The following BMP1 variants were observed in gnomAD, a reference collection of about 807,000 sequenced individuals.
BMP1 encodes mammalian tolloid protein.
In BMP1, 63 loss-of-function variants were observed where a neutral mutation model predicts 116.8. The ratio of observed to expected loss-of-function variants is 0.54; its 90% confidence interval spans 0.44 to 0.67. The LOEUF is 0.67. Among genes scored for constraint, BMP1 ranks in the 30% least tolerant of loss-of-function variants. The pLI, the probability that BMP1 is intolerant of heterozygous loss-of-function variation, is 0.00. For synonymous variants in BMP1, 536 were observed against 533.4 expected (o/e 1.00, Z -0.07); for missense variants, 1,183 against 1,358.9 (o/e 0.87, Z 2.04).
At chr8:22,205,657 C>T (rs1381634566) in intron 16 of BMP1, among the ~76,000 whole-genome samples, 1 of 152,144 alleles carries the variant, frequency 6.6e-6, no homozygotes, top group Non-Finnish European at 1.5e-5. Flanking sequence ...TGCCTGTAGT[C>T]CCAGCTACTT....
chr8:22,201,947 G>A lies in BMP1; in HGVS notation c.2233+19G>A, dbSNP rs1829274521. On this transcript the variant is annotated intron_variant, in intron 16 of 19. Transcript: ENST00000306385. ...AAAGAAGGTACGGGCTGCATGCCAG[G>A]GGCATCTGGGCTTGAAGGACCTGCT... 1 of 1,601,366 alleles carries A rather than the reference G, an allele frequency of 6.2e-7. No individual in the cohort carries two copies. The highest frequency in any genetic ancestry group is 8.5e-7 in the Non-Finnish European group (1 of 1,173,146).
chr8:22,180,165 C>G (rs958538920), intron 7 of BMP1, among the ~76,000 whole-genome samples: 3 of 152,070 alleles, frequency 2.0e-5, no homozygotes, highest in Non-Finnish European at 4.4e-5. Flanking sequence ...AACAGGGCAG[C>G]ACTGGGCTGG....
intron 1 of BMP1, among the ~76,000 whole-genome samples, chr8:22,166,023 C>A (rs942565288): frequency 1.3e-4 from 20 of 151,820 alleles, no homozygotes; most frequent in Non-Finnish European, 2.1e-4. Context: ...TGGCTTGGAT[C>A]TGGGAGGCCT....
intron 8 of BMP1, among the ~76,000 whole-genome samples, chr8:22,186,455 T>C (rs1828772946): frequency 6.6e-6 from 1 of 152,260 alleles, no homozygotes; most frequent in South Asian, 2.1e-4. Context: ...TGTGCCTTTG[T>C]TTCCCCGTCT....
chr8:22,198,087 A>G (rs1379618543), intron 15 of BMP1, among the ~76,000 whole-genome samples: 2 of 152,190 alleles, frequency 1.3e-5, no homozygotes. Flanking sequence ...TAGGAGGCTG[A>G]GGTAGGAGGA....
chr8:22,199,749 G>A (rs935250313), intron 15 of BMP1, among the ~76,000 whole-genome samples: 2 of 152,158 alleles, frequency 1.3e-5, no homozygotes, highest in South Asian at 2.1e-4. Flanking sequence ...CTCATAGGGT[G>A]CCCTTCACCC....
At position 22,194,356 on chromosome 8, in the gene BMP1, G is replaced by A; in HGVS notation, c.1298-89G>A. ...AACTGAAAAGCTGGGGGACATGGGA[G>A]GGACTGGAGGAGTGGGGAAAAGAGC... On this transcript the variant is annotated intron_variant, in intron 10 of 19. Transcript: ENST00000306385. This position sits in a 1 kb window ranked among gnomAD's most constrained non-coding sequence, Gnocchi z 4.5. 1.3e-6 allele frequency: 2 copies of A among 1,542,056 alleles called. No homozygotes were observed. Among genetic ancestry groups the A allele is most frequent in the Non-Finnish European group, 1.8e-6 (2 of 1,129,702 alleles).
intron 1 of BMP1, among the ~76,000 whole-genome samples, chr8:22,167,245 G>A (rs1828141208): frequency 6.6e-6 from 1 of 152,186 alleles, no homozygotes; most frequent in Non-Finnish European, 1.5e-5. Flanking sequence ...AATGGATGTT[G>A]TGGGAGGTAC....
chr8:22,206,587 G>A (rs1829360833), intron 16 of BMP1, among the ~76,000 whole-genome samples: 2 of 152,136 alleles, frequency 1.3e-5, no homozygotes, highest in South Asian at 4.1e-4. Context: ...CAAAGGTCTG[G>A]GGGTTGTCCA....
chr8:22,190,622 A>G (rs1244283729), intron 8 of BMP1, among the ~76,000 whole-genome samples: 1 of 152,192 alleles, frequency 6.6e-6, no homozygotes, highest in Non-Finnish European at 1.5e-5. Flanking sequence ...AGCGGCCAAG[A>G]AGTGGGAAGG....
chr8:22,186,468 C>A (rs377458559), intron 8 of BMP1, among the ~76,000 whole-genome samples: 144 of 152,132 alleles, frequency 9.5e-4, no homozygotes, highest in Admixed American at 2.2e-3. Flanking sequence ...CCCCGTCTAT[C>A]TATATATATA....
At chr8:22,210,839 G>T (rs1193464249) in intron 19 of BMP1, among the ~76,000 whole-genome samples, 1 of 152,234 alleles carries the variant, frequency 6.6e-6, no homozygotes, top group African/African-American at 2.4e-5. Context: ...ACCTCCCCCA[G>T]GCTGAGTTGA....
chr8:22,211,729 C>T lies in BMP1; in HGVS notation c.*1C>T. 2 of 1,614,114 alleles carry T rather than the reference C, an allele frequency of 1.2e-6. No individual in the cohort carries two copies. Among genetic ancestry groups the T allele is most frequent in the Non-Finnish European group, 1.7e-6 (2 of 1,180,002 alleles). On this transcript the variant is annotated 3_prime_UTR_variant, in exon 20 of 20. Coordinates refer to ENST00000306385, the MANE Select transcript of BMP1 (RefSeq NM_006129.5). ...GGACACACTCCACAGCAGGAAGTGA[C>T]CACTGCCTGAGCAGGGGCGGGGACT...
In BMP1 at chr8:22,195,556, C is replaced by T. The variant is rs747461095; in HGVS notation, c.1734C>T (p.Tyr578=). The part of the protein sequence containing the change: ...GSYKCSCDPG[Y]ELAPDKRRCE... Reference sequence around the variant, plus strand: ...ACAAGTGCAGCTGTGACCCCGGGTACGAGCTGGCCCCAGACAAGCGCCGCT... The same window carrying T: ...ACAAGTGCAGCTGTGACCCCGGGTATGAGCTGGCCCCAGACAAGCGCCGCT... The change falls in exon 13 of 20, where the codon TAC becomes TAT. Residue 578 remains tyrosine (Y), a synonymous_variant. Transcript: ENST00000306385. 51 of 1,612,238 alleles carry T rather than the reference C, an allele frequency of 3.2e-5. No individual in the cohort carries two copies. The highest frequency in any genetic ancestry group is 3.4e-4 in the Middle Eastern group (2 of 5,834).
In BMP1 at chr8:22,194,148, G is replaced by A. The variant is rs747225661; in HGVS notation, c.1271G>A (p.Gly424Glu). 1.2e-6 allele frequency: 2 copies of A among 1,614,156 alleles called. No homozygotes were observed. Among genetic ancestry groups the A allele is most frequent in the South Asian group, 1.1e-5 (1 of 91,076 alleles). The change falls in exon 10 of 20, where the codon GGA (glycine) becomes GAA (glutamate). Residue 424 changes from glycine (G) to glutamate (E), a missense_variant. Around this residue, in one of 4 missense-constraint regions of BMP1, gnomAD observed 956 missense variants for 1,135.2 expected, o/e 0.84. Coordinates refer to ENST00000306385, the MANE Select transcript of BMP1 (RefSeq NM_006129.5). This position sits in a 1 kb window ranked among gnomAD's most constrained non-coding sequence, Gnocchi z 4.5. ...TTCCGCAGCAGCAGCAATTGGGTTGGAAAGGGCTTCTTTGCAGTCTACGAA... is the reference window on the plus strand; with the variant it reads ...TTCCGCAGCAGCAGCAATTGGGTTGAAAAGGGCTTCTTTGCAGTCTACGAA... ...VEFRSSSNWV[G>E]KGFFAVYEAI... is the part of the protein sequence containing the mutation.
rs746237859 is a variant in BMP1, at chr8:22,194,107, C to T, written c.1230C>T (p.Ser410=). ...KLPEPIVSTD[S]RLWVEFRSSS... is the part of the protein sequence containing the mutation. ...CTGAGCCTATCGTCTCCACTGACAG[C>T]CGCCTCTGGGTTGAATTCCGCAGCA... The change falls in exon 10 of 20, where the codon AGC becomes AGT. Residue 410 remains serine (S), a synonymous_variant. Coordinates refer to ENST00000306385, the MANE Select transcript of BMP1 (RefSeq NM_006129.5). This position sits in a 1 kb window ranked among gnomAD's most constrained non-coding sequence, Gnocchi z 4.5. The T allele has an allele frequency of 8.7e-6, 14 of 1,614,098 alleles. No homozygotes were observed. The highest frequency in any genetic ancestry group is 1.2e-5 in the Non-Finnish European group (14 of 1,180,052).
chr8:22,205,913 C>T (rs551924037), intron 16 of BMP1, among the ~76,000 whole-genome samples: 27 of 152,302 alleles, frequency 1.8e-4, no homozygotes, highest in African/African-American at 6.5e-4. Context: ...GATGACAAAG[C>T]CCTCAAGGAA....
rs1282975443 is a variant in BMP1 at position 22,196,730 on chromosome 8, G to A, written c.1816G>A (p.Gly606Ser). The A allele has an allele frequency of 3.7e-6, 6 of 1,614,102 alleles. No individual in the cohort carries two copies. The highest frequency in any genetic ancestry group is 5.1e-6 in the Non-Finnish European group (6 of 1,180,018). Residue 606 changes from glycine (G) to serine (S), a missense_variant, in exon 14 of 20, where the codon GGC becomes AGC. Physicochemically the swap from Gly to Ser is moderately conservative, Grantham distance 56. Transcript: ENST00000306385. ...TKLNGSITSP[G>S]WPKEYPPNKN... ...GCTCAACGGCTCCATCACCAGCCCGGGCTGGCCCAAGGAGTACCCCCCCAA... is the reference window on the plus strand; with the variant it reads ...GCTCAACGGCTCCATCACCAGCCCGAGCTGGCCCAAGGAGTACCCCCCCAA...
Position 22,192,072 on chromosome 8 carries a change from G to T in BMP1, c.1101G>T (p.Leu367=). The T allele has an allele frequency of 6.2e-7, 1 of 1,613,946 alleles. No homozygotes were observed. Among genetic ancestry groups the T allele is most frequent in the Non-Finnish European group, 8.5e-7 (1 of 1,179,850 alleles). ...GEKIILNFTS[L]DLYRSRLCWY... ...AGATCATCCTGAACTTCACGTCCCT[G>T]GACCTGTACCGCAGCCGCCTGTGCT... Residue 367 remains leucine, a synonymous_variant, in exon 9 of 20, where the codon CTG becomes CTT. Coordinates refer to ENST00000306385, the MANE Select transcript of BMP1 (RefSeq NM_006129.5).
Sources: gnomAD v4.1 joint callset for allele counts (sites outside exome capture counted in the v4.1 genomes callset) on GRCh38, gnomAD v4.1.1 for gene constraint, gnomAD v4.1.1 regional missense constraint, Gnocchi (gnomAD v3.1) non-coding constraint, MANE v1.5 for transcripts, NCBI Gene and HGNC (gene_info 2026-07-23, HGNC 2026-07-21) for gene names.